The following DMD variants were observed in gnomAD, a reference collection of about 807,000 sequenced individuals.
DMD encodes the protein dystrophin.
In DMD, 63 loss-of-function variants were observed where a neutral mutation model predicts 330.1. The observed-to-expected ratio is 0.19, with a 90% CI of 0.16 to 0.24. The LOEUF is 0.24. Ranked by LOEUF, DMD falls within the 10% of genes least tolerant of loss-of-function variation. DMD has a pLI of 1.00. For synonymous variants in DMD, 1,223 were observed against 959.8 expected (o/e 1.27, Z -5.07); for missense variants, 3,344 against 2,684.1 (o/e 1.25, Z -5.43).
intron 1 of DMD, among the ~76,000 whole-genome samples, chrX:33,291,074 T>G (rs1241818025): frequency 9.0e-6 from 1 of 111,232 alleles, no homozygotes; most frequent in Non-Finnish European, 1.9e-5. Context: ...TAAGTCGACT[T>G]CATCCCTGGG....
chrX:32,914,413 C>G (rs750198972), intron 2 of DMD, among the ~76,000 whole-genome samples: 1 of 112,422 alleles, frequency 8.9e-6, no homozygotes, highest in Non-Finnish European at 1.9e-5. Context: ...GGGACCAGCA[C>G]AGCGACTTTA....
intron 44 of DMD, among the ~76,000 whole-genome samples, chrX:32,127,678 A>G (rs187351415): frequency 1.8e-5 from 2 of 111,977 alleles, no homozygotes; most frequent in East Asian, 5.6e-4. Flanking sequence ...CTCTGACAAT[A>G]TATATGCTCT....
At chrX:32,356,755 T>C (rs747690327) in intron 37 of DMD, among the ~76,000 whole-genome samples, 10 of 112,053 alleles carry the variant, frequency 8.9e-5, no homozygotes, top group Non-Finnish European at 1.7e-4. Flanking sequence ...AGAAATTACA[T>C]AATATTTTGT....
intron 42 of DMD, among the ~76,000 whole-genome samples, chrX:32,289,626 T>C (rs1193955842): frequency 2.7e-5 from 3 of 111,237 alleles, no homozygotes; most frequent in African/African-American, 9.8e-5. Flanking sequence ...AAAACCAAGC[T>C]GGTGAAAAAA....
chrX:32,519,673 T>A (rs1257372508), intron 17 of DMD, among the ~76,000 whole-genome samples: 1 of 112,088 alleles, frequency 8.9e-6, no homozygotes, highest in Non-Finnish European at 1.9e-5. Context: ...CTAGGAATTT[T>A]TTCACATAAA....
At chrX:31,614,824 AGGACCTCATGT>A (rs2078110801) in intron 55 of DMD, among the ~76,000 whole-genome samples, 1 of 112,225 alleles carries the variant, frequency 8.9e-6, no homozygotes, top group Non-Finnish European at 1.9e-5. Context: ...AAACTGCAAA[AGGACCTCATGT>A]GGAATGAAAA....
At chrX:32,709,451 G>C (rs2064984715) in intron 7 of DMD, among the ~76,000 whole-genome samples, 1 of 111,605 alleles carries the variant, frequency 9.0e-6, no homozygotes, top group East Asian at 2.8e-4. Context: ...ATAGTGAATA[G>C]AATTTGATGT....
At chrX:32,666,827 C>CAAAA (rs59974295) in intron 9 of DMD, among the ~76,000 whole-genome samples, 3 of 83,979 alleles carry the variant, frequency 3.6e-5, no homozygotes, top group African/African-American at 1.3e-4. Flanking sequence ...AATCTGTCTC[C>CAAAA]AAAAAAAAAA....
intron 52 of DMD, among the ~76,000 whole-genome samples, chrX:31,708,078 A>G (rs958604722): frequency 3.6e-5 from 4 of 112,178 alleles, no homozygotes; most frequent in Non-Finnish European, 7.5e-5. Flanking sequence ...CATTTGTGTT[A>G]TTACTAAAAA....
At chrX:32,439,136 C>T (rs2098272157) in intron 28 of DMD, among the ~76,000 whole-genome samples, 1 of 111,709 alleles carries the variant, frequency 9.0e-6, no homozygotes, top group South Asian at 3.7e-4. Context: ...TTTCATCTTA[C>T]TGGACCTCAA....
At chrX:31,354,597 T>C (rs2058579617) in intron 60 of DMD, among the ~76,000 whole-genome samples, 1 of 112,111 alleles carries the variant, frequency 8.9e-6, no homozygotes, top group African/African-American at 3.2e-5. Flanking sequence ...TTGAGAGTTA[T>C]GAGGGCTATA....
intron 47 of DMD, among the ~76,000 whole-genome samples, chrX:31,889,616 C>CTG (rs2094205646): frequency 5.7e-5 from 4 of 69,775 alleles, no homozygotes; most frequent in Admixed American, 2.0e-4. Context: ...TAATCTCTCT[C>CTG]TCTGTCTCTC....
chrX:33,015,817 C>T (rs2093790986), intron 2 of DMD, among the ~76,000 whole-genome samples: 1 of 110,528 alleles, frequency 9.0e-6, no homozygotes, highest in South Asian at 3.9e-4. Flanking sequence ...ATGATATTGC[C>T]CAAAGAGGGT....
intron 44 of DMD, among the ~76,000 whole-genome samples, chrX:32,216,601 GA>G (rs1466042817): frequency 2.7e-5 from 3 of 111,271 alleles, no homozygotes; most frequent in Non-Finnish European, 5.7e-5. Flanking sequence ...ACATAAAGCC[GA>G]AATACACACT....
At chrX:32,883,552 C>T (rs2084169353) in intron 2 of DMD, among the ~76,000 whole-genome samples, 1 of 110,585 alleles carries the variant, frequency 9.0e-6, no homozygotes, top group South Asian at 3.8e-4. Flanking sequence ...TGGCCAGGCG[C>T]GGTGGCTCAC....
intron 44 of DMD, among the ~76,000 whole-genome samples, chrX:32,132,752 T>C (rs1026246966): frequency 1.8e-5 from 2 of 110,985 alleles, no homozygotes; most frequent in African/African-American, 6.6e-5. Flanking sequence ...CCTTTTCCTA[T>C]GAATACTATA....
intron 2 of DMD, among the ~76,000 whole-genome samples, chrX:32,902,781 T>G (rs770463771): frequency 9.0e-6 from 1 of 110,555 alleles, no homozygotes; most frequent in Admixed American, 9.6e-5. Flanking sequence ...ATGATTGATA[T>G]AGGAAAACAG....
chrX:32,225,730 C>T (rs1017076280), intron 43 of DMD, among the ~76,000 whole-genome samples: 48 of 108,815 alleles, frequency 4.4e-4, no homozygotes, highest in African/African-American at 1.6e-3. Context: ...CCCCCACCAC[C>T]AACTCTCTCT....
At chrX:32,118,331 G>C (rs2096619801) in intron 44 of DMD, among the ~76,000 whole-genome samples, 1 of 111,343 alleles carries the variant, frequency 9.0e-6, no homozygotes, top group South Asian at 3.8e-4. Flanking sequence ...CTCCTGAGCT[G>C]GCAGCTCTTC....
Sources: gnomAD v4.1 joint callset for allele counts (sites outside exome capture counted in the v4.1 genomes callset) on GRCh38, gnomAD v4.1.1 for gene constraint, MANE v1.5 for transcripts, NCBI Gene and HGNC (gene_info 2026-07-23, HGNC 2026-07-21) for gene names.